Variants in PLA1A observed in about 807,000 individuals in gnomAD.
PLA1A encodes the protein phospholipase A1 member A, also known as phosphatidylserine-specific phospholipase A1alpha.
A neutral mutation model predicts 49.4 loss-of-function variants in PLA1A; 47 were observed. The ratio of observed to expected loss-of-function variants is 0.95; its 90% confidence interval spans 0.75 to 1.21. The LOEUF (loss-of-function observed/expected upper bound fraction) is 1.21. Among genes scored for constraint, PLA1A ranks in the 50% most tolerant of loss-of-function variants. The probability of loss-of-function intolerance (pLI) is 0.00; values close to 1 mark genes in which losing one functional copy is unlikely to be tolerated. For synonymous variants in PLA1A, 224 were observed against 207.9 expected, an observed-to-expected ratio of 1.08 and a Z score of -0.67; for missense variants, 561 against 563.9, an observed-to-expected ratio of 0.99 and a Z score of 0.05.
chr3:119,605,216 G>A (rs2082670122), intron 1 of PLA1A, among the ~76,000 whole-genome samples: 1 of 152,180 alleles, frequency 6.6e-6, no homozygotes, highest in South Asian at 2.1e-4. Flanking sequence ...GCTTAGGGCC[G>A]GCACTCTCAG....
At chr3:119,620,855 G>A (rs146344567) in intron 8 of PLA1A, among the ~76,000 whole-genome samples, 2 of 152,296 alleles carry the variant, frequency 1.3e-5, no homozygotes, top group East Asian at 3.9e-4. Flanking sequence ...TTAAGGAAAG[G>A]GAAGCTCTGA....
intron 1 of PLA1A, among the ~76,000 whole-genome samples, chr3:119,605,788 GT>G (rs1484169483): frequency 6.6e-6 from 1 of 152,196 alleles, no homozygotes; most frequent in South Asian, 2.1e-4. Flanking sequence ...GGAGTTTCAT[GT>G]TGCCTTTTCT....
chr3:119,604,133 G>T (rs2082652923), intron 1 of PLA1A, among the ~76,000 whole-genome samples: 1 of 152,092 alleles, frequency 6.6e-6, no homozygotes, highest in African/African-American at 2.4e-5. Context: ...AGGTTAAAAG[G>T]GTGTTTTTCT....
rs1241418539 is a variant in PLA1A at position 119,598,019 on chromosome 3, A to G, written c.73+33A>G. Reference sequence around the variant, plus strand: ...AGGGCTCAGGCCTTGGGAGGAACTTATTTCAGTCAGTGATCATATTTCTCC... The same window carrying G: ...AGGGCTCAGGCCTTGGGAGGAACTTGTTTCAGTCAGTGATCATATTTCTCC... On this transcript the variant is annotated intron_variant, in intron 1 of 10. Transcript: ENST00000273371. 4 of 1,379,396 alleles carry G rather than the reference A, an allele frequency of 2.9e-6. No homozygotes were observed. The African/African-American group carries it at 4.3e-5, about 15-fold the overall frequency. The allele number at this position is 1,379,396 out of a possible 1,614,324, so 85.4% of individuals were successfully genotyped here. A position where few individuals can be genotyped will look rare whatever the true frequency, so the allele number is the denominator to read the frequency against.
intron 8 of PLA1A, among the ~76,000 whole-genome samples, chr3:119,623,993 G>A (rs1025847898): frequency 1.7e-4 from 26 of 152,070 alleles, no homozygotes; most frequent in Admixed American, 9.8e-4. Flanking sequence ...CCAAAGTGCT[G>A]CGATTACAGG....
intron 2 of PLA1A, among the ~76,000 whole-genome samples, chr3:119,608,000 C>T (rs991146476): frequency 6.6e-6 from 1 of 152,126 alleles, no homozygotes; most frequent in Non-Finnish European, 1.5e-5. Context: ...CTATCATTTT[C>T]CTTTTCCTGG....
chr3:119,602,037 T>C (rs2082624546), intron 1 of PLA1A, among the ~76,000 whole-genome samples: 1 of 152,148 alleles, frequency 6.6e-6, no homozygotes. Flanking sequence ...ATGATGTACT[T>C]TGTGGTCTTG....
intron 5 of PLA1A, among the ~76,000 whole-genome samples, chr3:119,614,728 T>C (rs2082821569): frequency 6.7e-6 from 1 of 149,496 alleles, no homozygotes; most frequent in Non-Finnish European, 1.5e-5. Context: ...TTGGAGCCTC[T>C]CCCTGATGTG....
Position 119,608,965 on chromosome 3 carries a change from T to C in PLA1A, c.453+18T>C. ...AACTCCTGGTAGGTGCAGAAGAGCT[T>C]AGGGTGAGTTTGGGCTGCGTATGAG... On this transcript the variant is annotated intron_variant, in intron 3 of 10. Coordinates refer to ENST00000273371, the MANE Select transcript of PLA1A (RefSeq NM_015900.4). The C allele has an allele frequency of 6.2e-7, 1 of 1,608,274 alleles. No individual in the cohort carries two copies. Among genetic ancestry groups the C allele is most frequent in the African/African-American group, 1.3e-5 (1 of 74,838 alleles).
At position 119,628,627 on chromosome 3, in the gene PLA1A, C is replaced by A. The variant is rs1401942706; in HGVS notation, c.1122-74C>A. 13 of 1,406,286 alleles carry A rather than the reference C, an allele frequency of 9.2e-6. No homozygotes were observed. In the South Asian group the frequency reaches 1.3e-4, roughly 14 times the overall value. The allele number at this position is 1,406,286 out of a possible 1,614,324, so 87.1% of individuals were successfully genotyped here. A position where few individuals can be genotyped will look rare whatever the true frequency, so the allele number is the denominator to read the frequency against. ...GCCAACCAGTGCCACCAGCAGAGCC[C>A]GATCGGAGCCAAAGGGGAAGTACAG... On this transcript the variant is annotated intron_variant, in intron 9 of 10. Transcript: ENST00000273371.
At chr3:119,622,366 C>T (rs933338261) in intron 8 of PLA1A, among the ~76,000 whole-genome samples, 10 of 152,140 alleles carry the variant, frequency 6.6e-5, no homozygotes, top group Admixed American at 2.0e-4. Context: ...TCATCCTTTC[C>T]AGTTCAGCCC....
chr3:119,619,150 A>G (rs2082893450), intron 7 of PLA1A, among the ~76,000 whole-genome samples: 1 of 151,754 alleles, frequency 6.6e-6, no homozygotes, highest in Non-Finnish European at 1.5e-5. Context: ...TCCTAACCAT[A>G]CTCTCTTCCC....
At chr3:119,603,680 T>C (rs2082647182) in intron 1 of PLA1A, among the ~76,000 whole-genome samples, 1 of 152,230 alleles carries the variant, frequency 6.6e-6, no homozygotes, top group African/African-American at 2.4e-5. Context: ...TTAAATAGTT[T>C]ATTTGAACAA....
chr3:119,629,353 C>G lies in PLA1A; in HGVS notation c.1287-31C>G, dbSNP rs200053174. ...ATGCCAAGCCCTGTCTCCTCACCAG[C>G]CACTGCTCTCTTATTGCTCTTCTCT... On this transcript the variant is annotated intron_variant, in intron 10 of 10. Transcript: ENST00000273371. 1.2e-4 allele frequency: 153 copies of G among 1,286,792 alleles called. 1 individual carries two copies. The East Asian group carries it at 3.5e-3, about 29-fold the overall frequency. 79.7% of individuals were successfully genotyped at this position (1,286,792 alleles called of 1,614,324 possible).
At chr3:119,622,147 G>A (rs1337171243) in intron 8 of PLA1A, among the ~76,000 whole-genome samples, 132 of 136,200 alleles carry the variant, frequency 9.7e-4, no homozygotes, top group African/African-American at 3.7e-3. Context: ...GGAGGAGGAG[G>A]AGGAAGAAGA....
chr3:119,597,888 C>G lies in PLA1A; in HGVS notation c.-26C>G, dbSNP rs746010145. On this transcript the variant is annotated 5_prime_UTR_variant, in exon 1 of 11. Transcript: ENST00000273371. Reference sequence around the variant, plus strand: ...TTTGGCTTTAGGGAATTACTCCATACCAGCTCTGAGATTTCCAGCTCAGCG... The same window carrying G: ...TTTGGCTTTAGGGAATTACTCCATAGCAGCTCTGAGATTTCCAGCTCAGCG... 2.0e-6 allele frequency: 3 copies of G among 1,533,442 alleles called. No homozygotes were observed. The African/African-American group carries it at 4.1e-5, about 21-fold the overall frequency. 95.0% of individuals were successfully genotyped at this position (1,533,442 alleles called of 1,614,324 possible).
chr3:119,598,949 C>G (rs1271018405), intron 1 of PLA1A, among the ~76,000 whole-genome samples: 1 of 152,182 alleles, frequency 6.6e-6, no homozygotes, highest in Non-Finnish European at 1.5e-5. Flanking sequence ...TGTGCTTTCT[C>G]CTACCTCAAT....
At chr3:119,611,838 T>A (rs532763764) in intron 4 of PLA1A, among the ~76,000 whole-genome samples, 1 of 152,204 alleles carries the variant, frequency 6.6e-6, no homozygotes, top group Non-Finnish European at 1.5e-5. Context: ...TAGATGCCTT[T>A]TATTTCTTTC....
intron 8 of PLA1A, among the ~76,000 whole-genome samples, chr3:119,621,412 C>T (rs1967051): frequency 0.5 from 75,730 of 151,930 alleles, 19,527 homozygotes; most frequent in East Asian, 0.89. Flanking sequence ...GCGGAGTCCT[C>T]CCTGCTCTCC....
Sources: allele counts gnomAD v4.1 joint callset (sites outside exome capture counted in the v4.1 genomes callset), GRCh38; gene constraint gnomAD v4.1.1; transcripts MANE v1.5; gene names NCBI Gene and HGNC (gene_info 2026-07-23, HGNC 2026-07-21).